Variants in RAPGEF4 observed in about 807,000 individuals in gnomAD.
The protein encoded by RAPGEF4 is RAP guanine-nucleotide-exchange factor (GEF) 4.
RAPGEF4 carries 66 observed loss-of-function variants against 147.9 expected under a neutral mutation model. The observed-to-expected ratio is 0.45, with a 90% CI of 0.37 to 0.55. The LOEUF (loss-of-function observed/expected upper bound fraction) is 0.55. Among genes scored for constraint, RAPGEF4 ranks in the 20% least tolerant of loss-of-function variants. The pLI is 0.00. For missense variants in RAPGEF4, 1,071 were observed against 1,257.3 expected, an observed-to-expected ratio of 0.85 and a Z score of 2.24; for synonymous variants, 419 against 442.7, an observed-to-expected ratio of 0.95 and a Z score of 0.67.
Position 173,018,749 on chromosome 2 carries a change from A to G in RAPGEF4, c.2102A>G (p.Asp701Gly). Residue 701 changes from aspartate (D) to glycine (G), a missense_variant, in exon 22 of 31, where the codon GAC becomes GGC. Coordinates refer to ENST00000397081, the MANE Select transcript of RAPGEF4 (RefSeq NM_007023.4). ...AAGGAAGTCATCAGTGCAGTTGCCG[A>G]CAAGCTGGGCTCCGGGGAGGGCCTG... ...SVKEVISAVADKLGSGEGLII... is the reference protein window; with the variant it reads ...SVKEVISAVAGKLGSGEGLII... 6.2e-7 allele frequency: 1 copy of G among 1,614,112 alleles called. No individual in the cohort carries two copies. The highest frequency in any genetic ancestry group is 8.5e-7 in the Non-Finnish European group (1 of 1,180,008).
intron 13 of RAPGEF4, 82 bp from the exon 14 acceptor site, chr2:172,988,611 C>T: frequency 6.9e-7 from 1 of 1,450,800 alleles, no homozygotes; most frequent in Admixed American, 1.8e-5. Flanking sequence ...GTTTTAGGGG[C>T]TTGGGGGTCT....
intron 7 of RAPGEF4, 121 bp downstream of exon 7, chr2:172,960,934 A>G (rs967739379): frequency 7.5e-6 from 7 of 928,796 alleles, no homozygotes; most frequent in Non-Finnish European, 9.9e-6. Flanking sequence ...GAGACAGGAA[A>G]TATTCAGTGT....
chr2:172,736,258 A>C, intron 1 of RAPGEF4: 3 of 344,588 alleles, frequency 8.7e-6, no homozygotes, highest in Non-Finnish European at 1.6e-5. Flanking sequence ...AGATTATTAC[A>C]CGTGGTGGAG....
intron 1 of RAPGEF4, among the ~76,000 whole-genome samples, chr2:172,794,738 A>G (rs1686201580): frequency 6.6e-6 from 1 of 152,094 alleles, no homozygotes; most frequent in African/African-American, 2.4e-5. Context: ...TTGTGCTTCT[A>G]AGGGATTAAG....
intron 6 of RAPGEF4, among the ~76,000 whole-genome samples, chr2:172,930,784 A>G (rs1352456378): frequency 6.6e-6 from 1 of 152,126 alleles, no homozygotes; most frequent in African/African-American, 2.4e-5. Context: ...TGTTTGTGCT[A>G]ATTTATTTGC....
In RAPGEF4 at chr2:172,915,312, A is replaced by AT. The variant is rs1344424032; in HGVS notation, c.445-2484dup. On this transcript the variant is annotated intron_variant, in intron 4 of 30. Coordinates refer to ENST00000397081, the MANE Select transcript of RAPGEF4 (RefSeq NM_007023.4). ...CAACTGGATATTATGGATATATTACATTTTTTAGCTGTGATAATGGTATTG... is the reference window on the plus strand; with the variant it reads ...CAACTGGATATTATGGATATATTACATTTTTTTAGCTGTGATAATGGTATTG... Among the ~76,000 whole-genome samples, 10 of 152,300 alleles carry AT rather than the reference A, an allele frequency of 6.6e-5. No homozygotes were observed. The South Asian group carries it at 1.9e-3, about 28-fold the overall frequency.
chr2:172,797,439 A>T, intron 2 of RAPGEF4, 86 bp from the exon 3 acceptor site: 1 of 1,034,816 alleles, frequency 9.7e-7, no homozygotes, highest in Non-Finnish European at 1.5e-6. Context: ...GGTCCAAGAC[A>T]TGCTTGGACC....
intron 4 of RAPGEF4, among the ~76,000 whole-genome samples, chr2:172,838,661 A>T (rs72900235): frequency 0.015 from 2,280 of 152,200 alleles, 21 homozygotes; most frequent in South Asian, 0.034. Context: ...TATGGAGGAG[A>T]TTCCAGAAAA....
chr2:172,821,989 CT>C, intron 4 of RAPGEF4: 1 of 1,612,344 alleles, frequency 6.2e-7, no homozygotes, highest in South Asian at 1.1e-5. Context: ...CAGAATGAAT[CT>C]TTTTATTTTT....
At chr2:172,935,342 A>G (rs1686445845) in intron 6 of RAPGEF4, among the ~76,000 whole-genome samples, 1 of 152,166 alleles carries the variant, frequency 6.6e-6, no homozygotes, top group South Asian at 2.1e-4. Context: ...GCATAGGGGA[A>G]GGACTCTGGC....
chr2:172,772,765 G>A (rs935627609), intron 1 of RAPGEF4, among the ~76,000 whole-genome samples: 7 of 152,356 alleles, frequency 4.6e-5, no homozygotes, highest in East Asian at 1.9e-4. Flanking sequence ...GGTGCTGTGC[G>A]TCAGATGTGG....
intron 16 of RAPGEF4, among the ~76,000 whole-genome samples, chr2:172,997,524 C>G (rs1693489090): frequency 6.6e-6 from 1 of 152,130 alleles, no homozygotes; most frequent in African/African-American, 2.4e-5. Flanking sequence ...ACCTAAGACA[C>G]AGAAATTCTA....
At chr2:172,992,133 A>T (rs1692897710) in intron 15 of RAPGEF4, among the ~76,000 whole-genome samples, 1 of 152,214 alleles carries the variant, frequency 6.6e-6, no homozygotes, top group Admixed American at 6.5e-5. Context: ...CTACATACTC[A>T]ACACTGTTTA....
intron 27 of RAPGEF4, among the ~76,000 whole-genome samples, chr2:173,034,786 A>G (rs946709014): frequency 9.9e-5 from 15 of 151,842 alleles, no homozygotes; most frequent in Non-Finnish European, 1.8e-4. Context: ...AGATGGGAAG[A>G]TCGCTTGAGC....
Position 173,052,823 on chromosome 2 carries a change from G to T in RAPGEF4, c.*1056G>T, listed in dbSNP as rs1185776765. On this transcript the variant is annotated 3_prime_UTR_variant, in exon 31 of 31. Transcript: ENST00000397081. ...CAATTAGACTACATTTAATGTGTAG[G>T]AATTGTATGTATGTATATCTTCTGT... 1 of 152,080 alleles carries T rather than the reference G, an allele frequency of 6.6e-6. No homozygotes were observed. Among genetic ancestry groups the T allele is most frequent in the Non-Finnish European group, 1.5e-5 (1 of 67,966 alleles). The allele number at this position is 152,080 out of a possible 1,614,324, so 9.4% of individuals were successfully genotyped here.
intron 4 of RAPGEF4, among the ~76,000 whole-genome samples, chr2:172,829,331 C>A (rs1312391347): frequency 6.6e-6 from 1 of 152,184 alleles, no homozygotes; most frequent in Non-Finnish European, 1.5e-5. Flanking sequence ...AGCCTAAACA[C>A]TCCATATCAC....
intron 1 of RAPGEF4, among the ~76,000 whole-genome samples, chr2:172,753,960 C>A (rs1203140202): frequency 6.6e-6 from 1 of 152,110 alleles, no homozygotes; most frequent in Non-Finnish European, 1.5e-5. Flanking sequence ...TACCAATTAA[C>A]ATGTGTTGAC....
chr2:172,742,435 C>T (rs967194054), intron 1 of RAPGEF4, among the ~76,000 whole-genome samples: 1 of 151,972 alleles, frequency 6.6e-6, no homozygotes, highest in Non-Finnish European at 1.5e-5. Context: ...AAAACATGTT[C>T]CTTTGTCCCC....
chr2:172,917,535 C>T, intron 4 of RAPGEF4: 1 of 655,664 alleles, frequency 1.5e-6, no homozygotes, highest in Non-Finnish European at 2.8e-6. Flanking sequence ...ATATCCCACA[C>T]AATTCAGGCA....
Sources: allele counts gnomAD v4.1 joint callset (sites outside exome capture counted in the v4.1 genomes callset), GRCh38; gene constraint gnomAD v4.1.1; transcripts MANE v1.5; gene names NCBI Gene and HGNC (gene_info 2026-07-23, HGNC 2026-07-21).